Variants in HS6ST3 observed in about 807,000 individuals in gnomAD.
HS6ST3 encodes heparan sulfate 6-O-sulfotransferase 3, also known as heparan-sulfate 6-O-sulfotransferase 3.
A neutral mutation model predicts 36.7 loss-of-function variants in HS6ST3; 12 were observed. That is an observed-to-expected ratio of 0.33 (90% CI 0.21 to 0.53). The LOEUF (loss-of-function observed/expected upper bound fraction) is 0.53. HS6ST3 is among the 20% of genes least tolerant of loss of function. The pLI, the probability that HS6ST3 is intolerant of heterozygous loss-of-function variation, is 0.95. For synonymous variants in HS6ST3, 240 were observed against 257.5 expected (o/e 0.93, Z 0.65); for missense variants, 584 against 640.9 (o/e 0.91, Z 0.96).
intron 1 of HS6ST3, among the ~76,000 whole-genome samples, chr13:96,664,181 A>T (rs1282399169): frequency 6.6e-6 from 1 of 152,178 alleles, no homozygotes; most frequent in Non-Finnish European, 1.5e-5. Context: ...CGGCTTTCTC[A>T]TCTGTAAAGA....
intron 1 of HS6ST3, among the ~76,000 whole-genome samples, chr13:96,297,927 T>C (rs771217090): frequency 6.6e-6 from 1 of 152,148 alleles, no homozygotes; most frequent in Non-Finnish European, 1.5e-5. Context: ...AAAAAATGCA[T>C]CTTGAATGAA....
At chr13:96,438,920 TA>T (rs1009690205) in intron 1 of HS6ST3, among the ~76,000 whole-genome samples, 1 of 151,874 alleles carries the variant, frequency 6.6e-6, no homozygotes, top group African/African-American at 2.4e-5. Context: ...ACAAAAAAAT[TA>T]GTTGGGCATG....
chr13:96,257,938 C>G (rs1303883790), intron 1 of HS6ST3, among the ~76,000 whole-genome samples: 3 of 152,060 alleles, frequency 2.0e-5, no homozygotes, highest in Admixed American at 6.6e-5. Flanking sequence ...TTTTCCTTTG[C>G]TTTATTCTTT....
At chr13:96,188,620 G>T (rs1254571459) in intron 1 of HS6ST3, among the ~76,000 whole-genome samples, 4 of 152,162 alleles carry the variant, frequency 2.6e-5, no homozygotes, top group African/African-American at 9.7e-5. Flanking sequence ...TATAGAAAGT[G>T]CCTTGGATGG....
At chr13:96,815,789 T>G (rs1878408107) in intron 1 of HS6ST3, among the ~76,000 whole-genome samples, 1 of 152,210 alleles carries the variant, frequency 6.6e-6, no homozygotes, top group Non-Finnish European at 1.5e-5. Flanking sequence ...CTTTATAACT[T>G]TAAGTTATTT....
chr13:96,491,136 C>T (rs929267796), intron 1 of HS6ST3, among the ~76,000 whole-genome samples: 1 of 152,126 alleles, frequency 6.6e-6, no homozygotes, highest in Admixed American at 6.6e-5. Context: ...ATCTGAGTCT[C>T]ATACTTTAGC....
intron 1 of HS6ST3, among the ~76,000 whole-genome samples, chr13:96,764,268 T>G (rs1311125250): frequency 6.6e-6 from 1 of 152,220 alleles, no homozygotes; most frequent in African/African-American, 2.4e-5. Flanking sequence ...GAAACTAGAC[T>G]GTAGTTTGAA....
chr13:96,309,147 G>A (rs2054928148), intron 1 of HS6ST3, among the ~76,000 whole-genome samples: 1 of 152,088 alleles, frequency 6.6e-6, no homozygotes, highest in African/African-American at 2.4e-5. Context: ...GGGATCCCAT[G>A]GTACTTGCAT....
chr13:96,727,510 C>T (rs996336336), intron 1 of HS6ST3, among the ~76,000 whole-genome samples: 6 of 152,118 alleles, frequency 3.9e-5, no homozygotes, highest in African/African-American at 1.4e-4. Context: ...CTGTTCTCTG[C>T]TCCAAAGCCA....
chr13:96,825,237 T>A (rs9516766), intron 1 of HS6ST3, among the ~76,000 whole-genome samples: 11,063 of 152,248 alleles, frequency 0.073, 478 homozygotes, highest in Middle Eastern at 0.13. Context: ...GTGTATTCTC[T>A]TTGGATAGGC....
chr13:96,752,739 G>A (rs2138493590), intron 1 of HS6ST3, among the ~76,000 whole-genome samples: 1 of 151,222 alleles, frequency 6.6e-6, no homozygotes, highest in East Asian at 1.9e-4. Context: ...CCCCTAGTTT[G>A]GAGCTTGTCT....
At chr13:96,548,826 T>C (rs967125527) in intron 1 of HS6ST3, among the ~76,000 whole-genome samples, 1 of 152,168 alleles carries the variant, frequency 6.6e-6, no homozygotes. Context: ...GACTTTCAGC[T>C]CACCCACGTG....
chr13:96,509,447 A>T (rs1447095904), intron 1 of HS6ST3, among the ~76,000 whole-genome samples: 1 of 152,124 alleles, frequency 6.6e-6, no homozygotes, highest in Non-Finnish European at 1.5e-5. Flanking sequence ...AGTTTTTCCA[A>T]TGTTGTCTTA....
chr13:96,680,887 G>A (rs1215498660), intron 1 of HS6ST3, among the ~76,000 whole-genome samples: 2 of 152,208 alleles, frequency 1.3e-5, no homozygotes, highest in South Asian at 2.1e-4. Flanking sequence ...AGAGCATGAA[G>A]GCTTTGGAGC....
intron 1 of HS6ST3, among the ~76,000 whole-genome samples, chr13:96,704,612 T>C (rs143195519): frequency 1.6e-4 from 24 of 152,266 alleles, no homozygotes; most frequent in African/African-American, 5.5e-4. Flanking sequence ...AAGAGAAGCC[T>C]GAGGAAGAAG....
intron 1 of HS6ST3, among the ~76,000 whole-genome samples, chr13:96,475,827 G>C (rs114597821): frequency 0.016 from 2,473 of 152,206 alleles, 69 homozygotes; most frequent in African/African-American, 0.057. Context: ...GGCCATATGC[G>C]AGAATGAGGA....
chr13:96,732,752 G>A (rs1466307483), intron 1 of HS6ST3, among the ~76,000 whole-genome samples: 1 of 152,042 alleles, frequency 6.6e-6, no homozygotes, highest in East Asian at 1.9e-4. Flanking sequence ...GAGTAGAATG[G>A]ACATTTTAAC....
At chr13:96,477,110 G>A (rs921777524) in intron 1 of HS6ST3, among the ~76,000 whole-genome samples, 1 of 152,124 alleles carries the variant, frequency 6.6e-6, no homozygotes, top group African/African-American at 2.4e-5. Context: ...TGAGTTTAGA[G>A]TTCTCCCCAT....
intron 1 of HS6ST3, among the ~76,000 whole-genome samples, chr13:96,579,789 G>T: frequency 6.6e-6 from 1 of 152,098 alleles, no homozygotes; most frequent in Non-Finnish European, 1.5e-5. Flanking sequence ...ACTGTTTGGG[G>T]TTGCCCTGAT....
Sources: gnomAD v4.1 joint callset for allele counts (sites outside exome capture counted in the v4.1 genomes callset) on GRCh38, gnomAD v4.1.1 for gene constraint, MANE v1.5 for transcripts, NCBI Gene and HGNC (gene_info 2026-07-23, HGNC 2026-07-21) for gene names.